Variants in PAGE1 observed in about 807,000 individuals in gnomAD.
PAGE1 encodes P antigen family member 1.
Under a neutral mutation model 11.5 loss-of-function variants are expected in PAGE1, and 6 were observed. The observed-to-expected ratio is 0.52, with a 90% CI of 0.29 to 1.03. PAGE1 has a LOEUF of 1.03. Among genes scored for constraint, PAGE1 ranks in the 50% least tolerant of loss-of-function variants. The probability of loss-of-function intolerance (pLI) is 0.09; values close to 1 mark genes in which losing one functional copy is unlikely to be tolerated. For synonymous variants in PAGE1, 42 were observed against 40.2 expected (o/e 1.05, Z -0.17); for missense variants, 120 against 110.2 (o/e 1.09, Z -0.40).
rs2066907333 is a variant in PAGE1, at chrX:49,689,858, A to AT, written c.293-316_293-315insA. Among the ~76,000 whole-genome samples, 4 of 56,230 alleles carry AT rather than the reference A, an allele frequency of 7.1e-5. 1 individual carries two copies. Among genetic ancestry groups the AT allele is most frequent in the African/African-American group, 3.2e-4 (4 of 12,368 alleles). 48.8% of individuals were successfully genotyped at this position (56,230 alleles called of 115,157 possible). A position where few individuals can be genotyped will look rare whatever the true frequency, so the allele number is the denominator to read the frequency against. ...TATGTGTGTATATACACACATATAT[A>AT]GGTGTGTATATATGTGTATATACAC... On this transcript the variant is annotated intron_variant, in intron 4 of 5. Coordinates refer to ENST00000376150, the MANE Select transcript of PAGE1 (RefSeq NM_003785.4).
intron 3 of PAGE1, 127 bp downstream of exon 3, chrX:49,693,972 G>A (rs782740551): frequency 7.9e-6 from 3 of 380,665 alleles, no homozygotes; most frequent in Non-Finnish European, 1.3e-5. Context: ...TCTAGGCATC[G>A]TTTGCATGGC....
rs782258325 is a variant in PAGE1 at position 49,691,237 on chromosome X, T to A, written c.292+12A>T. 6 of 1,207,205 alleles carry A rather than the reference T, an allele frequency of 5.0e-6. No individual in the cohort carries two copies. The highest frequency in any genetic ancestry group is 6.7e-6 in the Non-Finnish European group (6 of 893,452). ...GACACCCTACAATTTGCATGCTTAATGGACTACCTACCTTCTGCGGGCAGT... is the reference window on the plus strand; with the variant it reads ...GACACCCTACAATTTGCATGCTTAAAGGACTACCTACCTTCTGCGGGCAGT... On this transcript the variant is annotated intron_variant, in intron 4 of 5. Coordinates refer to ENST00000376150, the MANE Select transcript of PAGE1 (RefSeq NM_003785.4).
chrX:49,689,677 T>C, intron 4 of PAGE1, 134 bp from the exon 5 acceptor site: 1 of 87,649 alleles, frequency 1.1e-5, no homozygotes, highest in Non-Finnish European at 1.9e-5. Flanking sequence ...CATATACATA[T>C]ATGTGTGTAT....
At chrX:49,692,555 T>C (rs1251504286) in intron 3 of PAGE1, among the ~76,000 whole-genome samples, 2 of 111,368 alleles carry the variant, frequency 1.8e-5, no homozygotes, top group Non-Finnish European at 3.8e-5. Flanking sequence ...ACAAATGTTA[T>C]GTCTTGAAAA....
chrX:49,689,605 T>C lies in PAGE1; in HGVS notation c.293-62A>G, dbSNP rs1254329176. The C allele has an allele frequency of 1.2e-3, 96 of 82,969 alleles. 2 individuals carry two copies. The highest frequency in any genetic ancestry group is 7.9e-3 in the African/African-American group (89 of 11,285). 6.8% of individuals were successfully genotyped at this position (82,969 alleles called of 1,213,427 possible). Reference sequence around the variant, plus strand: ...ATATATATATATATATATATATATATATATATACATATACATATATATATA... The same window carrying C: ...ATATATATATATATATATATATATACATATATACATATACATATATATATA... On this transcript the variant is annotated intron_variant, in intron 4 of 5. Transcript: ENST00000376150.
chrX:49,691,061 C>G (rs1309623330), intron 4 of PAGE1, among the ~76,000 whole-genome samples, 188 bp downstream of exon 4: 1 of 111,061 alleles, frequency 9.0e-6, no homozygotes, highest in Non-Finnish European at 1.9e-5. Context: ...GCCTGTAATC[C>G]TAGCTGCTCG....
In PAGE1 at chrX:49,689,460, A is replaced by G. The variant is rs2066895656; in HGVS notation, c.376T>C (p.Leu126=). 1 of 1,088,804 alleles carries G rather than the reference A, an allele frequency of 9.2e-7. No homozygotes were observed. The allele number at this position is 1,088,804 out of a possible 1,213,427, so 89.7% of individuals were successfully genotyped here. A position where few individuals can be genotyped will look rare whatever the true frequency, so the allele number is the denominator to read the frequency against. ...ERGDGPDVQE[L]GLPNPEEVKT... Reference sequence around the variant, plus strand: ...ACCTCCTCTGGATTTGGCAGGCCCAACTCCTGGACATCAGGACCATCTCCG... The same window carrying G: ...ACCTCCTCTGGATTTGGCAGGCCCAGCTCCTGGACATCAGGACCATCTCCG... Residue 126 remains leucine (L), a synonymous_variant, in exon 5 of 6, where the codon TTG becomes CTG. Coordinates refer to ENST00000376150, the MANE Select transcript of PAGE1 (RefSeq NM_003785.4).
At chrX:49,689,319 T>G in intron 5 of PAGE1, 99 bp downstream of exon 5, 5 of 816,074 alleles carry the variant, frequency 6.1e-6, no homozygotes, top group Non-Finnish European at 7.8e-6. Flanking sequence ...CCAGCCTGGT[T>G]GACAGAGCGA....
At chrX:49,695,501 C>T (rs1387351541) in intron 1 of PAGE1, among the ~76,000 whole-genome samples, 1 of 111,619 alleles carries the variant, frequency 9.0e-6, no homozygotes, top group Non-Finnish European at 1.9e-5. Context: ...TCACCACCCA[C>T]CTCCCGCCTC....
chrX:49,687,454 C>T lies in PAGE1; in HGVS notation c.*87G>A. 1.1e-6 allele frequency: 1 copy of T among 881,105 alleles called. No individual in the cohort carries two copies. Among genetic ancestry groups the T allele is most frequent in the Non-Finnish European group, 1.7e-6 (1 of 598,172 alleles). The allele number at this position is 881,105 out of a possible 1,213,427, so 72.6% of individuals were successfully genotyped here. A position where few individuals can be genotyped will look rare whatever the true frequency, so the allele number is the denominator to read the frequency against. On this transcript the variant is annotated 3_prime_UTR_variant, in exon 6 of 6. Coordinates refer to ENST00000376150, the MANE Select transcript of PAGE1 (RefSeq NM_003785.4). ...ACAAAAGATGCACAAGACTTCTTTG[C>T]AGAAGGCTGTAAAGCTTTATTGGGA...
At chrX:49,694,805 A>G (rs2066935167) in intron 1 of PAGE1, 27 bp from the exon 2 acceptor site, 13 of 902,705 alleles carry the variant, frequency 1.4e-5, no homozygotes, top group Non-Finnish European at 1.8e-5. Flanking sequence ...GTGATTGGGA[A>G]CATGCACTTG....
Position 49,687,570 on chromosome X carries a change from C to T in PAGE1, c.419-7G>A. 8.3e-7 allele frequency: 1 copy of T among 1,200,050 alleles called. No individual in the cohort carries two copies. Among genetic ancestry groups the T allele is most frequent in the Non-Finnish European group, 1.1e-6 (1 of 886,810 alleles). ...GGCTGTGATTGCCCTTCATCTGTAACAGAAACATAACTGTTAGGAAGATGA... is the reference window on the plus strand; with the variant it reads ...GGCTGTGATTGCCCTTCATCTGTAATAGAAACATAACTGTTAGGAAGATGA... On this transcript the variant is annotated splice_polypyrimidine_tract_variant and splice_region_variant and intron_variant, in intron 5 of 5. Transcript: ENST00000376150.
intron 4 of PAGE1, among the ~76,000 whole-genome samples, chrX:49,689,819 C>T (rs1359523280): frequency 1.6e-4 from 9 of 55,126 alleles, no homozygotes; most frequent in Non-Finnish European, 2.3e-4. Flanking sequence ...TATATACACA[C>T]ATATATGTGT....
chrX:49,694,021 G>GACACAC (rs565227923), intron 3 of PAGE1, 78 bp downstream of exon 3: 9,640 of 358,974 alleles, frequency 0.027, 105 homozygotes, highest in East Asian at 0.062. Flanking sequence ...CAATGCATGA[G>GACACAC]ACACACACAC....
Position 49,692,082 on chromosome X carries a change from G to A in PAGE1, c.167-708C>T, listed in dbSNP as rs377432913. Among the ~76,000 whole-genome samples, 33 of 110,655 alleles carry A rather than the reference G, an allele frequency of 3.0e-4. 1 individual carries two copies. The East Asian group carries it at 4.5e-3, about 15-fold the overall frequency. Reference sequence around the variant, plus strand: ...GAATCTCTTGAGCCTGGGAGGCAGAGTTTAGAGAGAGCCGAGATCTTGCCA... The same window carrying A: ...GAATCTCTTGAGCCTGGGAGGCAGAATTTAGAGAGAGCCGAGATCTTGCCA... On this transcript the variant is annotated intron_variant, in intron 3 of 5. Coordinates refer to ENST00000376150, the MANE Select transcript of PAGE1 (RefSeq NM_003785.4).
chrX:49,689,977 G>A lies in PAGE1; in HGVS notation c.293-434C>T, dbSNP rs868987539. Reference sequence around the variant, plus strand: ...CACACATATATATGTGTATATATATGTGTGTATATACACACATATATATGT... The same window carrying A: ...CACACATATATATGTGTATATATATATGTGTATATACACACATATATATGT... On this transcript the variant is annotated intron_variant, in intron 4 of 5. Transcript: ENST00000376150. Among the ~76,000 whole-genome samples, 4 of 51,455 alleles carry A rather than the reference G, an allele frequency of 7.8e-5. 1 individual carries two copies. Among genetic ancestry groups the A allele is most frequent in the Non-Finnish European group, 9.7e-5 (3 of 31,019 alleles). The allele number at this position is 51,455 out of a possible 115,157, so 44.7% of individuals were successfully genotyped here.
intron 5 of PAGE1, 45 bp from the exon 6 acceptor site, chrX:49,687,608 T>C (rs782268258): frequency 1.8e-6 from 2 of 1,136,875 alleles, no homozygotes; most frequent in Admixed American, 2.3e-5. Context: ...TAGCAGCAGA[T>C]TATTTAGATG....
intron 3 of PAGE1, among the ~76,000 whole-genome samples, chrX:49,692,657 A>G (rs2066924806): frequency 9.0e-6 from 1 of 111,487 alleles, no homozygotes; most frequent in Admixed American, 9.6e-5. Context: ...AAAAATACAC[A>G]TAACATAAAA....
chrX:49,694,827 A>T, intron 1 of PAGE1, 49 bp from the exon 2 acceptor site: 1 of 662,628 alleles, frequency 1.5e-6, no homozygotes, highest in Non-Finnish European at 2.4e-6. Context: ...GAGGACAGCT[A>T]TATTCGATCA....
Sources: allele counts gnomAD v4.1 joint callset (sites outside exome capture counted in the v4.1 genomes callset), GRCh38; gene constraint gnomAD v4.1.1; transcripts MANE v1.5; gene names NCBI Gene and HGNC (gene_info 2026-07-23, HGNC 2026-07-21).